The following DIPK1C variants were observed in gnomAD, a reference collection of about 807,000 sequenced individuals.
The protein encoded by DIPK1C is divergent protein kinase domain 1C.
Under a neutral mutation model 28.0 loss-of-function variants are expected in DIPK1C, and 33 were observed. The ratio of observed to expected loss-of-function variants is 1.18; its 90% CI spans 0.89 to 1.58. DIPK1C has a LOEUF of 1.58. Among genes scored for constraint, DIPK1C ranks in the 40% most tolerant of loss-of-function variants. The pLI is 0.00. For synonymous variants in DIPK1C, 255 were observed against 248.8 expected (o/e 1.02, Z -0.23); for missense variants, 569 against 568.5 (o/e 1.00, Z -0.01).
the DIPK1C span, among the ~76,000 whole-genome samples, chr18:74,463,841 G>A: frequency 1.3e-5 from 2 of 152,136 alleles, no homozygotes; most frequent in African/African-American, 2.4e-5. Context: ...TGACCTGCTC[G>A]CCTGACACGA....
At chr18:74,457,023 C>G in intron 1 of DIPK1C, 39 bp downstream of exon 1, 1 of 1,382,564 alleles carries the variant, frequency 7.2e-7, no homozygotes, top group South Asian at 1.6e-5. Flanking sequence ...CCCCCCTCCC[C>G]GGACGCGCGG....
chr18:74,451,837 C>T (rs965606595), intron 1 of DIPK1C, among the ~76,000 whole-genome samples: 1 of 152,178 alleles, frequency 6.6e-6, no homozygotes, highest in Non-Finnish European at 1.5e-5. Context: ...CGCGCTTGTC[C>T]TAAGAGAGCA....
Position 74,448,703 on chromosome 18 carries a change from T to C in DIPK1C, c.199-1420A>G, listed in dbSNP as rs1332536173. On this transcript the variant is annotated intron_variant, in intron 1 of 3. Transcript: ENST00000343998. ...GAACAGCCTTGGGTTCATAATCAGA[T>C]ACTGCCCAGCCTCGCAGGTGGCTAG... Among the ~76,000 whole-genome samples, 3 of 152,188 alleles carry C rather than the reference T, an allele frequency of 2.0e-5. No individual in the cohort carries two copies. The East Asian group carries it at 5.8e-4, about 29-fold the overall frequency.
At chr18:74,440,982 G>C (rs905074533) in intron 3 of DIPK1C, among the ~76,000 whole-genome samples, 1 of 152,052 alleles carries the variant, frequency 6.6e-6, no homozygotes, top group African/African-American at 2.4e-5. Flanking sequence ...TGGGGTGGCA[G>C]AGTCGGGGTG....
intron 1 of DIPK1C, among the ~76,000 whole-genome samples, chr18:74,456,635 T>C (rs1006226966): frequency 6.6e-6 from 1 of 152,176 alleles, no homozygotes; most frequent in Admixed American, 6.5e-5. Context: ...GCTGGAGCGC[T>C]GCGGACCCGA....
At chr18:74,446,475 T>C (rs1986262908) in intron 2 of DIPK1C, 131 bp downstream of exon 2, 2 of 804,768 alleles carry the variant, frequency 2.5e-6, no homozygotes, top group South Asian at 4.3e-5. Context: ...TAGGTGGGAG[T>C]TCTCTAAGGC....
At chr18:74,457,581 T>C (rs781307466), upstream of DIPK1C, among the ~76,000 whole-genome samples, 1 of 152,072 alleles carries the variant, frequency 6.6e-6, no homozygotes, top group Non-Finnish European at 1.5e-5. Flanking sequence ...TTCAATCGCC[T>C]CTCTCTTTGG....
At chr18:74,450,776 G>A (rs1986380014) in intron 1 of DIPK1C, among the ~76,000 whole-genome samples, 1 of 152,242 alleles carries the variant, frequency 6.6e-6, no homozygotes, top group South Asian at 2.1e-4. Context: ...CAGCTGCCAG[G>A]TTCCGGAGTT....
rs2144534577 is a variant in DIPK1C at position 74,457,054 on chromosome 18, G to A, written c.198+8C>T. 1 of 1,447,200 alleles carries A rather than the reference G, an allele frequency of 6.9e-7. No homozygotes were observed. Among genetic ancestry groups the A allele is most frequent in the Non-Finnish European group, 9.0e-7 (1 of 1,109,274 alleles). The allele number at this position is 1,447,200 out of a possible 1,614,324, so 89.6% of individuals were successfully genotyped here. A position where few individuals can be genotyped will look rare whatever the true frequency, so the allele number is the denominator to read the frequency against. The stretch of plus-strand genomic sequence containing the variant: ...CGCGGCGCGGGGCAGAGCGGCGGCG[G>A]GACCTACCAGCGCGGCCAGGATGCG... On this transcript the variant is annotated splice_region_variant and intron_variant, in intron 1 of 3. Coordinates refer to ENST00000343998, the MANE Select transcript of DIPK1C (RefSeq NM_001044369.3).
intron 1 of DIPK1C, among the ~76,000 whole-genome samples, chr18:74,454,432 G>A (rs538252268): frequency 2.6e-5 from 4 of 152,286 alleles, no homozygotes; most frequent in East Asian, 1.9e-4. Context: ...AACGCCCCCC[G>A]CCAGGCGAGA....
Position 74,447,328 on chromosome 18 carries a change from C to T in DIPK1C, c.199-45G>A, listed in dbSNP as rs1033696135. On this transcript the variant is annotated intron_variant, in intron 1 of 3. Coordinates refer to ENST00000343998, the MANE Select transcript of DIPK1C (RefSeq NM_001044369.3). This position sits in a 1 kb window ranked among gnomAD's most constrained non-coding sequence, Gnocchi z 4.1. ...CGGTCACCATGGGGAGGGCCTGGTG[C>T]CATCCGTCTCTCGGCTCGGGTTAGG... 3 of 1,467,090 alleles carry T rather than the reference C, an allele frequency of 2.0e-6. No homozygotes were observed. Among genetic ancestry groups the T allele is most frequent in the African/African-American group, 1.4e-5 (1 of 71,292 alleles). The allele number at this position is 1,467,090 out of a possible 1,614,324, so 90.9% of individuals were successfully genotyped here.
chr18:74,442,419 T>G (rs529055382), intron 2 of DIPK1C, among the ~76,000 whole-genome samples: 3 of 152,112 alleles, frequency 2.0e-5, no homozygotes, highest in Non-Finnish European at 4.4e-5. Context: ...AGCTCCGCCT[T>G]CCGGGTTCAC....
In DIPK1C at chr18:74,438,645, A is replaced by G. The variant is rs188241613; in HGVS notation, c.1042-1926T>C. Among the ~76,000 whole-genome samples the G allele has an allele frequency of 3.5e-4, 53 of 152,248 alleles. 1 individual carries two copies. The East Asian group carries it at 0.01, about 29-fold the overall frequency. On this transcript the variant is annotated intron_variant, in intron 3 of 3. Transcript: ENST00000343998. Reference sequence around the variant, plus strand: ...CTTTTCAATGAATGGTCAAGTTTATATTTTTGGCCTTTGTTGTGTTCATTT... The same window carrying G: ...CTTTTCAATGAATGGTCAAGTTTATGTTTTTGGCCTTTGTTGTGTTCATTT...
intron 2 of DIPK1C, among the ~76,000 whole-genome samples, chr18:74,445,899 G>C (rs189981662): frequency 1.6e-3 from 239 of 152,354 alleles, no homozygotes; most frequent in Admixed American, 0.014. Flanking sequence ...TGACCCATCA[G>C]TGTTCGCCTA....
intron 1 of DIPK1C, among the ~76,000 whole-genome samples, chr18:74,455,056 A>C (rs915311686): frequency 6.6e-5 from 10 of 152,138 alleles, no homozygotes; most frequent in Admixed American, 2.6e-4. Context: ...AAGACTGCCA[A>C]ACCTTCGATC....
intron 2 of DIPK1C, among the ~76,000 whole-genome samples, chr18:74,443,035 C>T (rs373762401): frequency 1.2e-4 from 18 of 152,072 alleles, no homozygotes; most frequent in African/African-American, 1.9e-4. Flanking sequence ...ACCAGTCAGA[C>T]GACAAAGTGG....
Position 74,436,338 on chromosome 18 carries a change from A to C in DIPK1C, c.*163T>G. 1.5e-6 allele frequency: 1 copy of C among 687,130 alleles called. No individual in the cohort carries two copies. The highest frequency in any genetic ancestry group is 2.4e-6 in the Non-Finnish European group (1 of 417,410). 42.6% of individuals were successfully genotyped at this position (687,130 alleles called of 1,614,324 possible). A position where few individuals can be genotyped will look rare whatever the true frequency, so the allele number is the denominator to read the frequency against. ...CAGAGGCCAGGGTGGGACGAGAGCG[A>C]GGGAGCACTGTCTCTGGCAGCAGCA... is the stretch of plus-strand genomic sequence containing the variant. On this transcript the variant is annotated 3_prime_UTR_variant, in exon 4 of 4. Transcript: ENST00000343998.
In DIPK1C at chr18:74,447,539, C is replaced by T. The variant is rs913068452; in HGVS notation, c.199-256G>A. On this transcript the variant is annotated intron_variant, in intron 1 of 3. Coordinates refer to ENST00000343998, the MANE Select transcript of DIPK1C (RefSeq NM_001044369.3). The surrounding 1 kb of genome is among the most constrained non-coding windows in gnomAD (Gnocchi z 4.1). Reference sequence around the variant, plus strand: ...CGGGTCTACAGAATCAGGACACCTGCGGCCGGGAAGCACGACTTCCCATCG... The same window carrying T: ...CGGGTCTACAGAATCAGGACACCTGTGGCCGGGAAGCACGACTTCCCATCG... 9.9e-5 allele frequency among the ~76,000 whole-genome samples: 15 copies of T among 152,178 alleles called. No individual in the cohort carries two copies. Among genetic ancestry groups the T allele is most frequent in the African/African-American group, 3.1e-4 (13 of 41,442 alleles).
intron 1 of DIPK1C, among the ~76,000 whole-genome samples, chr18:74,455,429 A>G (rs1986485312): frequency 6.6e-6 from 1 of 152,208 alleles, no homozygotes; most frequent in Non-Finnish European, 1.5e-5. Flanking sequence ...CCAGGGGGGA[A>G]AAATTTATAA....
Sources: gnomAD v4.1 joint callset for allele counts (sites outside exome capture counted in the v4.1 genomes callset) on GRCh38, gnomAD v4.1.1 for gene constraint, Gnocchi (gnomAD v3.1) non-coding constraint, MANE v1.5 for transcripts, NCBI Gene and HGNC (gene_info 2026-07-23, HGNC 2026-07-21) for gene names.